The following TEC variants were observed in gnomAD, a reference collection of about 807,000 sequenced individuals.
The protein encoded by TEC is tyrosine-protein kinase Tec.
TEC carries 72 observed loss-of-function variants against 93.0 expected under a neutral mutation model. That is an observed-to-expected ratio of 0.77 (90% CI 0.64 to 0.94). The LOEUF (loss-of-function observed/expected upper bound fraction) is 0.94, where lower values mean the gene tolerates loss of function less well. TEC is among the 40% of genes least tolerant of loss of function. The pLI, the probability that TEC is intolerant of heterozygous loss-of-function variation, is 0.00. For synonymous variants in TEC, 249 were observed against 247.7 expected (o/e 1.01, Z -0.05); for missense variants, 630 against 757.9 (o/e 0.83, Z 1.98).
Position 48,182,535 on chromosome 4 carries a change from CTGTGTG to C in TEC, c.139-6355_139-6350del, listed in dbSNP as rs60434609. Among the ~76,000 whole-genome samples the C allele has an allele frequency of 3.5e-3, 519 of 147,318 alleles. 1 individual carries two copies. Among genetic ancestry groups the C allele is most frequent in the Non-Finnish European group, 4.6e-3 (308 of 66,992 alleles). ...TATGCAAAGGACCATGGGCAATACT[CTGTGTG>C]TGTGTGTGTGTGTGTGTGTGTGTGT... On this transcript the variant is annotated intron_variant, in intron 2 of 17. Transcript: ENST00000381501.
At chr4:48,171,002 G>A (rs1288484826) in intron 4 of TEC, among the ~76,000 whole-genome samples, 1 of 151,344 alleles carries the variant, frequency 6.6e-6, no homozygotes, top group African/African-American at 2.4e-5. Flanking sequence ...AGTGAGCCGA[G>A]ATCACACCAC....
At chr4:48,179,365 T>C (rs1245219879) in intron 2 of TEC, among the ~76,000 whole-genome samples, 1 of 40,308 alleles carries the variant, frequency 2.5e-5, no homozygotes, top group Non-Finnish European at 4.9e-5. Flanking sequence ...TATATATATA[T>C]ATATATATAT....
At chr4:48,192,122 C>A (rs958514537) in intron 2 of TEC, among the ~76,000 whole-genome samples, 2 of 152,152 alleles carry the variant, frequency 1.3e-5, no homozygotes, top group Admixed American at 6.5e-5. Context: ...CATCCATCAA[C>A]AGGGGAAACA....
At chr4:48,203,912 G>A (rs921230201) in intron 2 of TEC, among the ~76,000 whole-genome samples, 49 of 152,172 alleles carry the variant, frequency 3.2e-4, no homozygotes, top group African/African-American at 1.1e-3. Context: ...AGTATCCATG[G>A]GAATCTGTAC....
chr4:48,183,184 G>A (rs1172766987), intron 2 of TEC, among the ~76,000 whole-genome samples: 1 of 152,158 alleles, frequency 6.6e-6, no homozygotes, highest in Non-Finnish European at 1.5e-5. Context: ...ATACGACCTA[G>A]GGCAATCCCA....
In TEC at chr4:48,172,839, A is replaced by G. The variant is rs1577720771; in HGVS notation, c.244-1390T>C. Among the ~76,000 whole-genome samples, 3 of 152,316 alleles carry G rather than the reference A, an allele frequency of 2.0e-5. No homozygotes were observed. In the East Asian group the frequency reaches 5.8e-4, roughly 29 times the overall value. On this transcript the variant is annotated intron_variant, in intron 3 of 17. Transcript: ENST00000381501. ...CATTTGCTCCATGATTTTCACATTT[A>G]TGCAGGCTTGCCCACACAACCAACT...
chr4:48,241,105 C>A (rs1723912740), intron 1 of TEC, among the ~76,000 whole-genome samples: 1 of 152,142 alleles, frequency 6.6e-6, no homozygotes, highest in African/African-American at 2.4e-5. Flanking sequence ...ATGACATTGT[C>A]ATATGTCCCA....
intron 1 of TEC, among the ~76,000 whole-genome samples, chr4:48,257,667 C>T (rs1389191036): frequency 1.3e-5 from 2 of 152,132 alleles, no homozygotes; most frequent in Non-Finnish European, 2.9e-5. Flanking sequence ...TGGAGCCTGG[C>T]ACATCATATA....
intron 2 of TEC, among the ~76,000 whole-genome samples, chr4:48,204,638 G>T (rs1042084576): frequency 6.6e-6 from 1 of 152,216 alleles, no homozygotes; most frequent in Admixed American, 6.5e-5. Flanking sequence ...GACCTGGGGT[G>T]AGCGGGATCA....
At chr4:48,194,228 CTATATCTAGCCAGTTCTTCTACAAAGAA>C (rs1255593424) in intron 2 of TEC, among the ~76,000 whole-genome samples, 1 of 152,218 alleles carries the variant, frequency 6.6e-6, no homozygotes, top group East Asian at 1.9e-4. Context: ...TCTACCCTGC[CTATATCTAGCCAGTTCTTCTACAAAGAA>C]GAGCCCCACT....
Position 48,147,649 on chromosome 4 carries a change from T to C in TEC, c.1007-1250A>G, listed in dbSNP as rs1026414202. On this transcript the variant is annotated intron_variant, in intron 11 of 17. Coordinates refer to ENST00000381501, the MANE Select transcript of TEC (RefSeq NM_003215.3). Reference sequence around the variant, plus strand: ...GGTGGATGGTAAGATAATCCCCCTATATTTGGAGATAGAGGGGTTGATCCT... The same window carrying C: ...GGTGGATGGTAAGATAATCCCCCTACATTTGGAGATAGAGGGGTTGATCCT... 3.3e-5 allele frequency among the ~76,000 whole-genome samples: 5 copies of C among 152,324 alleles called. No individual in the cohort carries two copies. The South Asian group carries it at 1.0e-3, about 32-fold the overall frequency.
chr4:48,236,539 C>A (rs1723791366), intron 1 of TEC, among the ~76,000 whole-genome samples: 1 of 152,204 alleles, frequency 6.6e-6, no homozygotes. Flanking sequence ...GTCGCGGCCT[C>A]CCAAAGTGCT....
At chr4:48,200,484 G>A (rs1299980344) in intron 2 of TEC, among the ~76,000 whole-genome samples, 2 of 152,234 alleles carry the variant, frequency 1.3e-5, no homozygotes, top group South Asian at 2.1e-4. Flanking sequence ...ACAGACTGGA[G>A]AGGAGCAAGA....
chr4:48,263,903 T>G (rs1724565701), intron 1 of TEC, among the ~76,000 whole-genome samples: 1 of 152,090 alleles, frequency 6.6e-6, no homozygotes, highest in African/African-American at 2.4e-5. Context: ...AAATGTTTCC[T>G]GTGGGTAGAG....
intron 11 of TEC, among the ~76,000 whole-genome samples, chr4:48,147,677 C>G (rs1445198625): frequency 6.6e-6 from 1 of 152,116 alleles, no homozygotes; most frequent in Non-Finnish European, 1.5e-5. Context: ...TTGATCCTGT[C>G]TCACCATTTA....
chr4:48,173,956 C>T (rs1372631216), intron 3 of TEC, among the ~76,000 whole-genome samples: 1 of 152,172 alleles, frequency 6.6e-6, no homozygotes, highest in Non-Finnish European at 1.5e-5. Context: ...TCTACTTCTA[C>T]TTTTATTGTT....
intron 2 of TEC, among the ~76,000 whole-genome samples, chr4:48,214,714 C>T (rs539400327): frequency 2.5e-4 from 34 of 137,440 alleles, no homozygotes; most frequent in Admixed American, 5.6e-4. Context: ...AATAGCCAGG[C>T]GTGGTGGTAT....
intron 1 of TEC, among the ~76,000 whole-genome samples, chr4:48,264,788 C>T (rs1724588872): frequency 6.6e-6 from 1 of 152,168 alleles, no homozygotes; most frequent in Non-Finnish European, 1.5e-5. Flanking sequence ...AGGCACACGC[C>T]ACCACGCCTG....
At chr4:48,194,845 C>T (rs1002193293) in intron 2 of TEC, among the ~76,000 whole-genome samples, 3 of 152,064 alleles carry the variant, frequency 2.0e-5, no homozygotes, top group South Asian at 2.1e-4. Context: ...GGGTTTAATG[C>T]GGGCCAATCA....
Sources: gnomAD v4.1 joint callset for allele counts (sites outside exome capture counted in the v4.1 genomes callset) on GRCh38, gnomAD v4.1.1 for gene constraint, MANE v1.5 for transcripts, NCBI Gene and HGNC (gene_info 2026-07-23, HGNC 2026-07-21) for gene names.